Variants in SUGCT observed in about 807,000 individuals in gnomAD.
SUGCT encodes the protein succinyl-CoA:glutarate-CoA transferase.
In SUGCT, 41 loss-of-function variants were observed where a neutral mutation model predicts 55.0. The ratio of observed to expected loss-of-function variants is 0.74; its 90% CI spans 0.58 to 0.97. The LOEUF (loss-of-function observed/expected upper bound fraction) is 0.97, where lower values mean the gene tolerates loss of function less well. Ranked by LOEUF, SUGCT falls within the 50% of genes least tolerant of loss-of-function variation. The pLI, the probability that SUGCT is intolerant of heterozygous loss-of-function variation, is 0.00. For synonymous variants in SUGCT, 187 were observed against 200.4 expected (o/e 0.93, Z 0.56); for missense variants, 568 against 547.8 (o/e 1.04, Z -0.37).
the SUGCT span, among the ~76,000 whole-genome samples, chr7:40,930,744 A>G: frequency 6.6e-6 from 1 of 152,142 alleles, no homozygotes; most frequent in East Asian, 1.9e-4. Context: ...GTGTATAGGA[A>G]TGCCTGTGAT....
At chr7:40,788,382 A>G (rs1790142167) in intron 13 of SUGCT, among the ~76,000 whole-genome samples, 1 of 152,210 alleles carries the variant, frequency 6.6e-6, no homozygotes, top group African/African-American at 2.4e-5. Flanking sequence ...GGGAGAAGAA[A>G]AATCAATGGA....
At chr7:40,488,223 A>T (rs374178724) in intron 11 of SUGCT, among the ~76,000 whole-genome samples, 28 of 150,630 alleles carry the variant, frequency 1.9e-4, no homozygotes, top group African/African-American at 6.6e-4. Flanking sequence ...CTTTTTGTGT[A>T]TTTTTTCTTT....
At chr7:40,813,376 A>G (rs574063980) in intron 13 of SUGCT, among the ~76,000 whole-genome samples, 12 of 152,256 alleles carry the variant, frequency 7.9e-5, no homozygotes, top group Non-Finnish European at 1.6e-4. Context: ...TACTTGTTTT[A>G]TGAATCTGGG....
rs755060025 is a variant in SUGCT at position 40,316,874 on chromosome 7, A to G, written c.816+19A>G. ...TTACCAGGTAAGACTACAGCAGTCT[A>G]GGGTTGGGCTGTTGTAATTTGCAGT... On this transcript the variant is annotated intron_variant, in intron 9 of 13. Coordinates refer to ENST00000335693, the MANE Select transcript of SUGCT (RefSeq NM_001193313.2). 3.0e-6 allele frequency: 4 copies of G among 1,322,018 alleles called. No homozygotes were observed. Among genetic ancestry groups the G allele is most frequent in the Non-Finnish European group, 3.1e-6 (3 of 979,700 alleles). 81.9% of individuals were successfully genotyped at this position (1,322,018 alleles called of 1,614,324 possible). A position where few individuals can be genotyped will look rare whatever the true frequency, so the allele number is the denominator to read the frequency against.
At chr7:40,382,337 A>G (rs1784915095) in intron 9 of SUGCT, among the ~76,000 whole-genome samples, 1 of 152,156 alleles carries the variant, frequency 6.6e-6, no homozygotes, top group African/African-American at 2.4e-5. Flanking sequence ...AAAAAAGGGA[A>G]AAGCTATTTT....
At chr7:40,140,323 G>A (rs1054681570) in intron 1 of SUGCT, among the ~76,000 whole-genome samples, 3 of 152,094 alleles carry the variant, frequency 2.0e-5, no homozygotes, top group African/African-American at 4.8e-5. Context: ...AAATGTTGTC[G>A]ACTTTGTCAA....
rs189679866 is a variant in SUGCT at position 40,297,338 on chromosome 7, T to A, written c.721-19422T>A. ...CTTACTTTGCTACTACTTTTTTTTTTTAATTTCAATTAGGGTAATGTACAT... is the reference window on the plus strand; with the variant it reads ...CTTACTTTGCTACTACTTTTTTTTTATAATTTCAATTAGGGTAATGTACAT... On this transcript the variant is annotated intron_variant, in intron 8 of 13. Transcript: ENST00000335693. 6.6e-4 allele frequency among the ~76,000 whole-genome samples: 100 copies of A among 152,270 alleles called. 1 individual carries two copies. The East Asian group carries it at 0.015, about 22-fold the overall frequency.
At chr7:40,927,044 A>G in the SUGCT span, among the ~76,000 whole-genome samples, 1 of 152,302 alleles carries the variant, frequency 6.6e-6, no homozygotes, top group East Asian at 1.9e-4. Context: ...AAATCTCAAT[A>G]TGGGAAACAT....
intron 12 of SUGCT, among the ~76,000 whole-genome samples, chr7:40,697,798 A>C (rs1174524969): frequency 6.6e-6 from 1 of 152,190 alleles, no homozygotes; most frequent in East Asian, 1.9e-4. Flanking sequence ...CCGTGGTCTG[A>C]GATGATGGCT....
chr7:40,858,432 A>G (rs1794307862), intron 13 of SUGCT, among the ~76,000 whole-genome samples: 1 of 151,038 alleles, frequency 6.6e-6, no homozygotes. Context: ...AAAAAAAAGA[A>G]AAGAAATGGT....
Position 40,812,309 on chromosome 7 carries a change from T to G in SUGCT, c.1154-48007T>G, listed in dbSNP as rs551218997. ...TCAGTAGAATTGGTACCATCTCTTC[T>G]TTGTACATCAGGTAGAATTCAGCTG... On this transcript the variant is annotated intron_variant, in intron 13 of 13. Coordinates refer to ENST00000335693, the MANE Select transcript of SUGCT (RefSeq NM_001193313.2). Among the ~76,000 whole-genome samples the G allele has an allele frequency of 2.6e-5, 4 of 152,258 alleles. No homozygotes were observed. In the East Asian group the frequency reaches 7.7e-4, roughly 29 times the overall value.
intron 13 of SUGCT, among the ~76,000 whole-genome samples, chr7:40,791,915 A>G (rs2128745203): frequency 6.6e-6 from 1 of 152,202 alleles, no homozygotes. Flanking sequence ...GGCCTTACAC[A>G]TCTTATTTCC....
At chr7:40,605,202 T>C (rs1798464958) in intron 12 of SUGCT, among the ~76,000 whole-genome samples, 1 of 152,230 alleles carries the variant, frequency 6.6e-6, no homozygotes, top group East Asian at 1.9e-4. Context: ...AAGAAACAAA[T>C]GATAACTTAC....
chr7:40,647,086 G>A (rs1408032986), intron 12 of SUGCT, among the ~76,000 whole-genome samples: 1 of 152,138 alleles, frequency 6.6e-6, no homozygotes, highest in Non-Finnish European at 1.5e-5. Context: ...AGCTTGACAG[G>A]GCAAAGCAGG....
In SUGCT at chr7:40,197,559, G is replaced by T. The variant is rs377545826; in HGVS notation, c.484+2499G>T. On this transcript the variant is annotated intron_variant, in intron 6 of 13. Coordinates refer to ENST00000335693, the MANE Select transcript of SUGCT (RefSeq NM_001193313.2). ...CTCTGCATGTCTGTTATCCTCCTTGGATCAGTGGCCACCAAATGCATCTCC... is the reference window on the plus strand; with the variant it reads ...CTCTGCATGTCTGTTATCCTCCTTGTATCAGTGGCCACCAAATGCATCTCC... Among the ~76,000 whole-genome samples the T allele has an allele frequency of 6.0e-4, 92 of 152,270 alleles. 2 individuals carry two copies. In the South Asian group the frequency reaches 0.018, roughly 29 times the overall value.
intron 12 of SUGCT, among the ~76,000 whole-genome samples, chr7:40,686,682 A>C (rs1365068006): frequency 6.6e-6 from 1 of 152,160 alleles, no homozygotes; most frequent in Admixed American, 6.6e-5. Context: ...TCTAGAGGGA[A>C]ACTCTACACA....
intron 13 of SUGCT, among the ~76,000 whole-genome samples, chr7:40,852,873 T>C (rs1170379164): frequency 6.6e-6 from 1 of 152,124 alleles, no homozygotes; most frequent in African/African-American, 2.4e-5. Flanking sequence ...TTTGCTTTTG[T>C]TTGTTCATTG....
At chr7:40,689,784 G>A (rs1247311098) in intron 12 of SUGCT, among the ~76,000 whole-genome samples, 1 of 151,956 alleles carries the variant, frequency 6.6e-6, no homozygotes, top group Admixed American at 6.6e-5. Flanking sequence ...ATTGAAGGGT[G>A]GGGGGATTGG....
intron 13 of SUGCT, among the ~76,000 whole-genome samples, chr7:40,766,056 C>G (rs1788770912): frequency 6.6e-6 from 1 of 152,130 alleles, no homozygotes; most frequent in Non-Finnish European, 1.5e-5. Flanking sequence ...TTAAAGACAA[C>G]AGAACTCTGT....
Sources: gnomAD v4.1 joint callset for allele counts (sites outside exome capture counted in the v4.1 genomes callset) on GRCh38, gnomAD v4.1.1 for gene constraint, MANE v1.5 for transcripts, NCBI Gene and HGNC (gene_info 2026-07-23, HGNC 2026-07-21) for gene names.